The following SLC4A8 variants were observed in gnomAD, a reference collection of about 807,000 sequenced individuals.
SLC4A8 encodes the protein electroneutral sodium bicarbonate exchanger 1.
Under a neutral mutation model 125.0 loss-of-function variants are expected in SLC4A8, and 40 were observed. The observed-to-expected ratio is 0.32, with a 90% CI of 0.25 to 0.42. The LOEUF is 0.42. Among genes scored for constraint, SLC4A8 ranks in the 10% least tolerant of loss-of-function variants. The probability of loss-of-function intolerance (pLI) is 1.00; values close to 1 mark genes in which losing one functional copy is unlikely to be tolerated. For missense variants in SLC4A8, 863 were observed against 1,355.1 expected (o/e 0.64, Z 5.70); for synonymous variants, 456 against 476.0 (o/e 0.96, Z 0.55).
At chr12:51,427,620 A>G (rs1949039631) in intron 1 of SLC4A8, among the ~76,000 whole-genome samples, 1 of 152,190 alleles carries the variant, frequency 6.6e-6, no homozygotes, top group South Asian at 2.1e-4. Context: ...TGGGGGAGAG[A>G]CAGTCAACTG....
At chr12:51,428,738 C>A (rs891160824) in intron 1 of SLC4A8, among the ~76,000 whole-genome samples, 3 of 152,180 alleles carry the variant, frequency 2.0e-5, no homozygotes, top group Non-Finnish European at 2.9e-5. Context: ...TTTGCTGTTA[C>A]TGTTAACTTT....
intron 11 of SLC4A8, among the ~76,000 whole-genome samples, chr12:51,468,530 C>T (rs536129926): frequency 1.1e-3 from 166 of 152,210 alleles, no homozygotes; most frequent in African/African-American, 3.8e-3. Flanking sequence ...GAGGCCAAGG[C>T]GAGCAGATCA....
chr12:51,506,165 G>C (rs1938161092), intron 24 of SLC4A8, among the ~76,000 whole-genome samples: 1 of 152,094 alleles, frequency 6.6e-6, no homozygotes, highest in South Asian at 2.1e-4. Flanking sequence ...GGTCAGGAAG[G>C]GATTATTTTG....
At chr12:51,478,254 G>C (rs1950914107) in intron 16 of SLC4A8, among the ~76,000 whole-genome samples, 1 of 141,282 alleles carries the variant, frequency 7.1e-6, no homozygotes, top group African/African-American at 2.7e-5. Context: ...CAGCCTGGGG[G>C]ACAGAGCGAA....
intron 2 of SLC4A8, among the ~76,000 whole-genome samples, chr12:51,447,714 CT>C (rs1239053396): frequency 0.041 from 5,155 of 125,660 alleles, 183 homozygotes; most frequent in African/African-American, 0.13. Context: ...GGGATTTCCA[CT>C]TTTTTTTTTT....
intron 4 of SLC4A8, 39 bp from the exon 5 acceptor site, chr12:51,453,500 T>G (rs748762214): frequency 3.1e-6 from 5 of 1,601,390 alleles, no homozygotes; most frequent in Non-Finnish European, 4.3e-6. Flanking sequence ...AATTCCTCAT[T>G]TTCTATCTTT....
chr12:51,449,799 C>T lies in SLC4A8; in HGVS notation c.131-1077C>T, dbSNP rs570673797. On this transcript the variant is annotated intron_variant, in intron 2 of 24. Transcript: ENST00000453097. The stretch of plus-strand genomic sequence containing the variant: ...CTCATGCCTGTAAACCCAGTGCTTT[C>T]GAGGTGGAGACAGTAGGATTGCTTG... Among the ~76,000 whole-genome samples the T allele has an allele frequency of 5.3e-5, 8 of 152,202 alleles. No homozygotes were observed. In the East Asian group the frequency reaches 7.7e-4, roughly 15 times the overall value.
At chr12:51,500,695 C>CTT (rs146022498) in intron 22 of SLC4A8, among the ~76,000 whole-genome samples, 2 of 150,106 alleles carry the variant, frequency 1.3e-5, no homozygotes, top group Non-Finnish European at 1.5e-5. Flanking sequence ...ATTTTCTTTT[C>CTT]TTTTTTTTTG....
At chr12:51,393,550 T>A (rs957035328) in intron 1 of SLC4A8, among the ~76,000 whole-genome samples, 4 of 152,176 alleles carry the variant, frequency 2.6e-5, no homozygotes, top group Non-Finnish European at 4.4e-5. Context: ...AACCTGAGAC[T>A]CCAAGGTAGG....
At chr12:51,471,595 T>TA (rs1423953765) in intron 14 of SLC4A8, 63 bp downstream of exon 14, 47 of 1,559,534 alleles carry the variant, frequency 3.0e-5, no homozygotes, top group Non-Finnish European at 3.9e-5. Flanking sequence ...ATTGCTGATG[T>TA]AGAGTGCTAG....
chr12:51,508,516 T>A lies in SLC4A8; in HGVS notation c.*1078T>A, dbSNP rs980611374. 2.0e-5 allele frequency: 3 copies of A among 152,624 alleles called. No individual in the cohort carries two copies. Among genetic ancestry groups the A allele is most frequent in the Non-Finnish European group, 2.9e-5 (2 of 68,050 alleles). The allele number at this position is 152,624 out of a possible 1,614,324, so 9.5% of individuals were successfully genotyped here. On this transcript the variant is annotated 3_prime_UTR_variant, in exon 25 of 25. Transcript: ENST00000453097. ...TCCTTAGCTGCCTTAGAGTAAACGA[T>A]CATCAGTTCAATGGACCAAAATCAC...
chr12:51,427,346 T>G (rs1156612706), intron 1 of SLC4A8, among the ~76,000 whole-genome samples: 2 of 152,180 alleles, frequency 1.3e-5, no homozygotes, highest in African/African-American at 2.4e-5. Flanking sequence ...GTTATATTAT[T>G]GAGGGCATCA....
At chr12:51,424,071 AAAAAAC>A (rs1565762338), upstream of SLC4A8, among the ~76,000 whole-genome samples, 116 of 130,472 alleles carry the variant, frequency 8.9e-4, 2 homozygotes, top group South Asian at 6.2e-3. Flanking sequence ...AACAACAAAA[AAAAAAC>A]AAAAAAAACC....
intron 2 of SLC4A8, among the ~76,000 whole-genome samples, chr12:51,445,865 C>T (rs1017354414): frequency 6.6e-6 from 1 of 151,898 alleles, no homozygotes; most frequent in Non-Finnish European, 1.5e-5. Context: ...CCCCCCCAAG[C>T]AGAATATGTG....
chr12:51,503,131 C>A (rs562071094), intron 22 of SLC4A8, among the ~76,000 whole-genome samples: 2 of 151,432 alleles, frequency 1.3e-5, no homozygotes, highest in Non-Finnish European at 2.9e-5. Flanking sequence ...CCTGAGCCAC[C>A]GCACCCAGCC....
chr12:51,451,317 T>TGTGATCCGGTCTCGATATCCTGACCTC (rs1949964620), intron 3 of SLC4A8, among the ~76,000 whole-genome samples: 1 of 152,180 alleles, frequency 6.6e-6, no homozygotes, highest in Non-Finnish European at 1.5e-5. Context: ...CTCCTGACCT[T>TGTGATCCGGTCTCGATATCCTGACCTC]GTGATCCGGT....
At position 51,399,697 on chromosome 12, in the gene SLC4A8, T is replaced by C. The variant is rs371518200; in HGVS notation, c.-112+8209T>C. 2.6e-5 allele frequency among the ~76,000 whole-genome samples: 4 copies of C among 152,232 alleles called. No individual in the cohort carries two copies. In the East Asian group the frequency reaches 7.7e-4, roughly 29 times the overall value. On this transcript the variant is annotated intron_variant, in intron 1 of 24. Transcript: ENST00000358657. Reference sequence around the variant, plus strand: ...GATCTTAAATCTAGCCTTTAAAACATGTTGGGCCAGGCGTGGTGGCTCACG... The same window carrying C: ...GATCTTAAATCTAGCCTTTAAAACACGTTGGGCCAGGCGTGGTGGCTCACG...
intron 16 of SLC4A8, among the ~76,000 whole-genome samples, chr12:51,483,831 T>C (rs1166146017): frequency 1.3e-5 from 2 of 152,174 alleles, no homozygotes; most frequent in African/African-American, 4.8e-5. Flanking sequence ...GTTGGTGTGC[T>C]GCACCCATTA....
intron 1 of SLC4A8, among the ~76,000 whole-genome samples, chr12:51,419,575 G>T (rs919731764): frequency 2.0e-5 from 3 of 152,158 alleles, no homozygotes; most frequent in Non-Finnish European, 4.4e-5. Context: ...TTTCTGAATG[G>T]CTTCCCATCT....
Sources: gnomAD v4.1 joint callset for allele counts (sites outside exome capture counted in the v4.1 genomes callset) on GRCh38, gnomAD v4.1.1 for gene constraint, MANE v1.5 for transcripts, NCBI Gene and HGNC (gene_info 2026-07-23, HGNC 2026-07-21) for gene names.